Variants in DOK6 observed in about 807,000 individuals in gnomAD.
The protein encoded by DOK6 is downstream of tyrosine kinase 6.
Under a neutral mutation model 44.0 loss-of-function variants are expected in DOK6, and 22 were observed. That is an observed-to-expected ratio of 0.50 (90% confidence interval 0.36 to 0.71). The LOEUF (loss-of-function observed/expected upper bound fraction) is 0.71. DOK6 is among the 30% of genes least tolerant of loss of function. The pLI is 0.00. For missense variants in DOK6, 340 were observed against 416.4 expected (o/e 0.82, Z 1.60); for synonymous variants, 166 against 145.5 (o/e 1.14, Z -1.01).
chr18:69,808,032 C>T (rs1981106489), intron 7 of DOK6, among the ~76,000 whole-genome samples: 1 of 151,758 alleles, frequency 6.6e-6, no homozygotes, highest in Admixed American at 6.6e-5. Flanking sequence ...CATGTTAGAT[C>T]ACATGTTAGG....
At position 69,501,624 on chromosome 18, in the gene DOK6, TAAC is replaced by T. The variant is rs1460034531; in HGVS notation, c.67-62860_67-62858del. Among the ~76,000 whole-genome samples, 12 of 152,286 alleles carry T rather than the reference TAAC, an allele frequency of 7.9e-5. No homozygotes were observed. In the South Asian group the frequency reaches 1.4e-3, roughly 18 times the overall value. On this transcript the variant is annotated intron_variant, in intron 1 of 7. Coordinates refer to ENST00000382713, the MANE Select transcript of DOK6 (RefSeq NM_152721.6). Reference sequence around the variant, plus strand: ...TTCTTACATTTGCCTAATTAACATATAACAATTGTTGCAAAATGCCTAATTACA... The same window carrying T: ...TTCTTACATTTGCCTAATTAACATATAATTGTTGCAAAATGCCTAATTACA...
chr18:69,803,690 G>C (rs774613895), intron 7 of DOK6, among the ~76,000 whole-genome samples: 1 of 152,020 alleles, frequency 6.6e-6, no homozygotes, highest in Non-Finnish European at 1.5e-5. Context: ...GTGAAACCCC[G>C]TCTCTACTAA....
chr18:69,538,118 C>T (rs535201678), intron 1 of DOK6, among the ~76,000 whole-genome samples: 103 of 152,258 alleles, frequency 6.8e-4, no homozygotes, highest in South Asian at 1.5e-3. Flanking sequence ...GCTCTTTTCT[C>T]ATGTATCTAT....
At chr18:69,710,423 A>G (rs1325122496) in intron 5 of DOK6, among the ~76,000 whole-genome samples, 2 of 152,244 alleles carry the variant, frequency 1.3e-5, no homozygotes, top group Non-Finnish European at 1.5e-5. Flanking sequence ...TTGCACACAC[A>G]TAGTAAAACC....
At chr18:69,795,430 C>T (rs765799261) in intron 7 of DOK6, among the ~76,000 whole-genome samples, 16 of 152,054 alleles carry the variant, frequency 1.1e-4, no homozygotes, top group Non-Finnish European at 2.2e-4. Flanking sequence ...TTCTATAGAG[C>T]TAAAAATATA....
Position 69,659,940 on chromosome 18 carries a change from ATATATAACATATATGTATGTTT to A in DOK6, c.290-17787_290-17766del, listed in dbSNP as rs1421273298. 5.6e-4 allele frequency: 63 copies of A among 112,972 alleles called. 3 individuals are homozygous for A. The highest frequency in any genetic ancestry group is 2.0e-3 in the East Asian group (3 of 1,520). 7.0% of individuals were successfully genotyped at this position (112,972 alleles called of 1,614,324 possible). ...TATATAACATATATGTATGTTTTAT[ATATATAACATATATGTATGTTT>A]TATATATATATATGTATATAAAGAA... On this transcript the variant is annotated intron_variant, in intron 3 of 7. Coordinates refer to ENST00000382713, the MANE Select transcript of DOK6 (RefSeq NM_152721.6).
intron 1 of DOK6, among the ~76,000 whole-genome samples, chr18:69,550,587 G>A (rs1057291271): frequency 2.6e-5 from 4 of 152,002 alleles, no homozygotes; most frequent in African/African-American, 9.7e-5. Context: ...CATCAGTATC[G>A]GATGGTGTTA....
At chr18:69,404,217 G>A (rs1829964013) in intron 1 of DOK6, among the ~76,000 whole-genome samples, 1 of 152,152 alleles carries the variant, frequency 6.6e-6, no homozygotes, top group African/African-American at 2.4e-5. Context: ...AGGGCAGTAA[G>A]GCATTTCTTG....
At chr18:69,778,447 T>C (rs146542983) in intron 7 of DOK6, among the ~76,000 whole-genome samples, 1 of 152,204 alleles carries the variant, frequency 6.6e-6, no homozygotes, top group East Asian at 1.9e-4. Flanking sequence ...GAAAGCAGAA[T>C]AAAACCATGC....
At chr18:69,789,318 C>A (rs1483575142) in intron 7 of DOK6, among the ~76,000 whole-genome samples, 3 of 151,960 alleles carry the variant, frequency 2.0e-5, no homozygotes, top group African/African-American at 4.8e-5. Context: ...TTTTATAGGA[C>A]CTTTTACTCT....
chr18:69,512,218 G>T (rs17187094), intron 1 of DOK6, among the ~76,000 whole-genome samples: 2 of 150,606 alleles, frequency 1.3e-5, no homozygotes, highest in Admixed American at 1.3e-4. Context: ...AAAAGGGCAA[G>T]AAACCATACT....
intron 5 of DOK6, among the ~76,000 whole-genome samples, chr18:69,703,417 C>A (rs1328019347): frequency 1.3e-5 from 2 of 152,112 alleles, no homozygotes; most frequent in Non-Finnish European, 2.9e-5. Context: ...CCTTAATGAG[C>A]ACATAGTGTA....
At position 69,725,969 on chromosome 18, in the gene DOK6, C is replaced by G. The variant is rs555419161; in HGVS notation, c.600-12996C>G. ...GCTTCCCTTTCACAACTGAACTTCT[C>G]TCGCTGGTGGTTACTCCTGTGTCTT... On this transcript the variant is annotated intron_variant, in intron 5 of 7. Transcript: ENST00000382713. Among the ~76,000 whole-genome samples the G allele has an allele frequency of 2.0e-5, 3 of 152,298 alleles. No individual in the cohort carries two copies. In the East Asian group the frequency reaches 5.8e-4, roughly 29 times the overall value.
At chr18:69,813,636 G>A (rs1981310001) in intron 7 of DOK6, among the ~76,000 whole-genome samples, 1 of 152,082 alleles carries the variant, frequency 6.6e-6, no homozygotes, top group African/African-American at 2.4e-5. Context: ...TTTCATCTTG[G>A]GGGTTAAGTG....
At chr18:69,507,975 A>G (rs1243438457) in intron 1 of DOK6, among the ~76,000 whole-genome samples, 1 of 152,060 alleles carries the variant, frequency 6.6e-6, no homozygotes, top group East Asian at 1.9e-4. Context: ...TCAGTCTTTC[A>G]CCTTTATGTA....
chr18:69,623,781 G>T (rs561559402), intron 3 of DOK6, among the ~76,000 whole-genome samples: 8 of 152,198 alleles, frequency 5.3e-5, no homozygotes, highest in African/African-American at 1.7e-4. Flanking sequence ...TCATTTTAGG[G>T]GAGATGAAAC....
intron 1 of DOK6, among the ~76,000 whole-genome samples, chr18:69,537,820 A>G (rs2144578543): frequency 1.3e-5 from 2 of 152,298 alleles, no homozygotes; most frequent in African/African-American, 2.4e-5. Flanking sequence ...CTGTTTTTAT[A>G]TGATTTTTAT....
rs757244112 is a variant in DOK6 at position 69,650,110 on chromosome 18, G to A, written c.290-27624G>A. The stretch of plus-strand genomic sequence containing the variant: ...GTGAGATTAACACTTTGTGCCTACT[G>A]TCTATTGTTCTTAGGCCAGTATGAT... On this transcript the variant is annotated intron_variant, in intron 3 of 7. Coordinates refer to ENST00000382713, the MANE Select transcript of DOK6 (RefSeq NM_152721.6). Among the ~76,000 whole-genome samples, 3 of 151,910 alleles carry A rather than the reference G, an allele frequency of 2.0e-5. No homozygotes were observed. In the South Asian group the frequency reaches 6.2e-4, roughly 32 times the overall value.
intron 1 of DOK6, among the ~76,000 whole-genome samples, chr18:69,441,243 T>C (rs1979129267): frequency 6.6e-6 from 1 of 152,132 alleles, no homozygotes; most frequent in African/African-American, 2.4e-5. Flanking sequence ...ACGTCAAAAA[T>C]AGTATAAAAG....
Sources: allele counts gnomAD v4.1 joint callset (sites outside exome capture counted in the v4.1 genomes callset), GRCh38; gene constraint gnomAD v4.1.1; transcripts MANE v1.5; gene names NCBI Gene and HGNC (gene_info 2026-07-23, HGNC 2026-07-21).